The following MID1 variants were observed in gnomAD, a reference collection of about 807,000 sequenced individuals.
MID1 encodes midline 1.
Under a neutral mutation model 40.4 loss-of-function variants are expected in MID1, and 7 were observed. That is an observed-to-expected ratio of 0.17 (90% CI 0.10 to 0.33). The LOEUF is 0.33. Among genes scored for constraint, MID1 ranks in the 10% least tolerant of loss-of-function variants. The pLI is 1.00. For synonymous variants in MID1, 229 were observed against 221.2 expected, an observed-to-expected ratio of 1.04 and a Z score of -0.31; for missense variants, 367 against 558.5, an observed-to-expected ratio of 0.66 and a Z score of 3.46.
intron 1 of MID1, among the ~76,000 whole-genome samples, chrX:10,614,237 G>A (rs1463196317): frequency 8.9e-6 from 1 of 111,737 alleles, no homozygotes; most frequent in East Asian, 2.8e-4. Context: ...CATACAAAGA[G>A]CATACTTACA....
intron 1 of MID1, among the ~76,000 whole-genome samples, chrX:10,590,184 A>G (rs912742551): frequency 8.1e-5 from 9 of 111,616 alleles, no homozygotes; most frequent in Admixed American, 1.9e-4. Context: ...TACCAGGCTT[A>G]GGTCAGGCAG....
chrX:10,516,609 T>TGTGTGTGTGC (rs1491262374), intron 3 of MID1, among the ~76,000 whole-genome samples: 19 of 50,369 alleles, frequency 3.8e-4, no homozygotes, highest in African/African-American at 1.5e-3. Context: ...TGTGTGTGTG[T>TGTGTGTGTGC]GCGCGCGCGC....
At chrX:10,661,894 C>T (rs191889134) in intron 1 of MID1, among the ~76,000 whole-genome samples, 2 of 112,147 alleles carry the variant, frequency 1.8e-5, no homozygotes, top group Admixed American at 1.9e-4. Flanking sequence ...AATGAGAAAT[C>T]TACTTACTTT....
chrX:10,749,937 A>T (rs57342094), intron 1 of MID1, among the ~76,000 whole-genome samples: 8,893 of 111,142 alleles, frequency 0.08, 869 homozygotes, highest in African/African-American at 0.27. Flanking sequence ...TTGGGCGGGG[A>T]CACATATCCA....
chrX:10,788,430 A>C (rs942595307), intron 1 of MID1, among the ~76,000 whole-genome samples: 1 of 111,685 alleles, frequency 9.0e-6, no homozygotes, highest in Non-Finnish European at 1.9e-5. Flanking sequence ...TGATCTCCTA[A>C]TATGTTGCTT....
intron 1 of MID1, among the ~76,000 whole-genome samples, chrX:10,578,228 T>C (rs1182024920): frequency 1.8e-5 from 2 of 112,955 alleles, no homozygotes; most frequent in East Asian, 2.8e-4. Context: ...CAATTTCACA[T>C]ATAGATGACT....
chrX:10,540,454 G>A (rs1047892960), intron 2 of MID1, among the ~76,000 whole-genome samples: 1 of 111,638 alleles, frequency 9.0e-6, no homozygotes, highest in East Asian at 2.8e-4. Context: ...AGAAGTTTGC[G>A]ACTAAACTAG....
intron 1 of MID1, among the ~76,000 whole-genome samples, chrX:10,785,552 C>A (rs1006661112): frequency 1.8e-5 from 2 of 111,490 alleles, no homozygotes; most frequent in African/African-American, 6.5e-5. Flanking sequence ...CATCACGCTA[C>A]CTGACTTCAA....
intron 1 of MID1, among the ~76,000 whole-genome samples, chrX:10,702,148 C>T (rs915403649): frequency 2.7e-5 from 3 of 112,329 alleles, no homozygotes; most frequent in Admixed American, 9.5e-5. Context: ...ACCAACTTGC[C>T]AAGAATAAGG....
At chrX:10,708,585 T>C (rs1252546114) in intron 1 of MID1, among the ~76,000 whole-genome samples, 4 of 111,505 alleles carry the variant, frequency 3.6e-5, no homozygotes, top group Admixed American at 9.6e-5. Context: ...GCCGCTTCAC[T>C]GGAATCCTGA....
At chrX:10,542,592 A>G (rs967797712) in intron 2 of MID1, among the ~76,000 whole-genome samples, 3 of 112,422 alleles carry the variant, frequency 2.7e-5, no homozygotes, top group Non-Finnish European at 1.9e-5. Flanking sequence ...TTACATGTTT[A>G]GAATGAAAAG....
At chrX:10,813,150 T>G (rs1044387254) in intron 1 of MID1, among the ~76,000 whole-genome samples, 1 of 109,341 alleles carries the variant, frequency 9.1e-6, no homozygotes, top group African/African-American at 3.3e-5. Flanking sequence ...GGTCTAGTTT[T>G]GAAAAAAAAA....
chrX:10,816,996 G>C (rs1455974962), intron 1 of MID1, among the ~76,000 whole-genome samples: 1 of 112,047 alleles, frequency 8.9e-6, no homozygotes, highest in African/African-American at 3.2e-5. Flanking sequence ...AGGCTCATTA[G>C]ATGATCCAAA....
intron 4 of MID1, among the ~76,000 whole-genome samples, chrX:10,491,953 C>T (rs1930975362): frequency 1.8e-5 from 2 of 111,987 alleles, no homozygotes; most frequent in East Asian, 2.8e-4. Context: ...TAAAAGAATG[C>T]GTTTTATGGC....
intron 1 of MID1, among the ~76,000 whole-genome samples, chrX:10,785,744 T>C (rs1427595742): frequency 9.0e-6 from 1 of 111,721 alleles, no homozygotes; most frequent in East Asian, 2.8e-4. Context: ...TAAATGGTGC[T>C]GGGAAAACTG....
At chrX:10,728,330 T>C (rs1264525447) in intron 1 of MID1, among the ~76,000 whole-genome samples, 6 of 111,547 alleles carry the variant, frequency 5.4e-5, no homozygotes, top group African/African-American at 1.3e-4. Context: ...CAGGAGCTCA[T>C]CTTCATCTCT....
rs1933163652 is a variant in MID1 at position 10,534,443 on chromosome X, A to G, written c.661-11256T>C. Among the ~76,000 whole-genome samples, 4 of 112,122 alleles carry G rather than the reference A, an allele frequency of 3.6e-5. No individual in the cohort carries two copies. In the Admixed American group the frequency reaches 3.8e-4, roughly 11 times the overall value. ...CCTGCAGGTACTTCATGTCAGTTAA[A>G]CTCAATATATTAAACATATTTGAAG... On this transcript the variant is annotated intron_variant, in intron 2 of 9. Transcript: ENST00000317552.
chrX:10,557,130 C>T (rs777183273), intron 2 of MID1, among the ~76,000 whole-genome samples: 56 of 111,639 alleles, frequency 5.0e-4, no homozygotes, highest in African/African-American at 1.7e-3. Flanking sequence ...ATGAACACAG[C>T]TCCAGGCATG....
At chrX:10,830,250 G>A (rs938015795) in intron 1 of MID1, among the ~76,000 whole-genome samples, 7 of 112,471 alleles carry the variant, frequency 6.2e-5, no homozygotes, top group Non-Finnish European at 1.1e-4. Context: ...TTTAGAGAAC[G>A]ATTAGCAAAA....
Sources: gnomAD v4.1 joint callset for allele counts (sites outside exome capture counted in the v4.1 genomes callset) on GRCh38, gnomAD v4.1.1 for gene constraint, MANE v1.5 for transcripts, NCBI Gene and HGNC (gene_info 2026-07-23, HGNC 2026-07-21) for gene names.